The following PRAMEF4 variants were observed in gnomAD, a reference collection of about 807,000 sequenced individuals.
PRAMEF4 encodes the protein RP5-845O24.6.
In PRAMEF4, 18 loss-of-function variants were observed where a neutral mutation model predicts 34.4. The ratio of observed to expected loss-of-function variants is 0.52; its 90% CI spans 0.36 to 0.78. The LOEUF (loss-of-function observed/expected upper bound fraction) is 0.78. Ranked by LOEUF, PRAMEF4 falls within the 30% of genes least tolerant of loss-of-function variation. The probability of loss-of-function intolerance (pLI) is 0.00; values close to 1 mark genes in which losing one functional copy is unlikely to be tolerated. For synonymous variants in PRAMEF4, 156 were observed against 219.3 expected, an observed-to-expected ratio of 0.71 and a Z score of 2.55; for missense variants, 482 against 569.1, an observed-to-expected ratio of 0.85 and a Z score of 1.56.
intron 3 of PRAMEF4, among the ~76,000 whole-genome samples, chr1:12,881,191 C>A (rs1446003259): frequency 6.8e-6 from 1 of 147,564 alleles, no homozygotes; most frequent in African/African-American, 2.6e-5. Context: ...CATGGTGAAA[C>A]CCTGTCTCTA....
intron 1 of PRAMEF4, among the ~76,000 whole-genome samples, chr1:12,884,578 A>T (rs1029245288): frequency 1.4e-5 from 2 of 147,296 alleles, no homozygotes; most frequent in South Asian, 2.2e-4. Context: ...AGCCAGGTGC[A>T]GTGGTCTGCG....
intron 1 of PRAMEF4, 137 bp from the exon 2 acceptor site, chr1:12,883,547 C>T: frequency 2.5e-6 from 3 of 1,214,680 alleles, no homozygotes; most frequent in South Asian, 1.5e-5. Flanking sequence ...ACTCTGTACT[C>T]AGTGGCCATT....
Position 12,881,934 on chromosome 1 carries a change from C to A in PRAMEF4, c.795G>T (p.Gln265His), listed in dbSNP as rs755620261. ...KKEIVTQFTT[Q>H]FLKLRCLQKL... ...TTTGGAGGCAGCGCAGCTTGAGGAA[C>A]TGAGTGGTGAACTGGGTAACAATCT... Residue 265 changes from glutamine (Q) to histidine (H), a missense_variant, in exon 3 of 4, where the codon CAG becomes CAT. Gln to His is a conservative substitution (Grantham distance 24). Around this residue, in one of 6 missense-constraint regions of PRAMEF4, gnomAD observed 81 missense variants for 73.1 expected, o/e 1.11. Coordinates refer to ENST00000235349, the MANE Select transcript of PRAMEF4 (RefSeq NM_001009611.4). 11 of 1,592,906 alleles carry A rather than the reference C, an allele frequency of 6.9e-6. 1 individual carries two copies. The Admixed American group carries it at 1.5e-4, about 22-fold the overall frequency.
intron 1 of PRAMEF4, among the ~76,000 whole-genome samples, chr1:12,884,120 TCCTCAG>T (rs1032246750): frequency 2.1e-5 from 3 of 145,250 alleles, no homozygotes; most frequent in African/African-American, 7.8e-5. Flanking sequence ...GGATTCTTCC[TCCTCAG>T]CCTCCCAAGT....
chr1:12,883,117 A>G lies in PRAMEF4; in HGVS notation c.278T>C (p.Leu93Pro), dbSNP rs557337408. ...VLDGLDALLN[L>P]GVRPRRWKLQ... is the part of the protein sequence containing the mutation. ...GCCACCTCACCTGGGACGAACCCCTAGGTTAAGCAGTGCATCCAGCCCATC... is the reference window on the plus strand; with the variant it reads ...GCCACCTCACCTGGGACGAACCCCTGGGTTAAGCAGTGCATCCAGCCCATC... Residue 93 changes from leucine to proline, a missense_variant, in exon 2 of 4, where the codon CTA becomes CCA. Physicochemically the swap from Leu to Pro is moderately conservative, Grantham distance 98. Coordinates refer to ENST00000235349, the MANE Select transcript of PRAMEF4 (RefSeq NM_001009611.4). 1 of 1,601,128 alleles carries G rather than the reference A, an allele frequency of 6.2e-7. No homozygotes were observed. Among genetic ancestry groups the G allele is most frequent in the East Asian group, 2.3e-5 (1 of 44,292 alleles).
intron 1 of PRAMEF4, among the ~76,000 whole-genome samples, chr1:12,884,586 G>T (rs1463603946): frequency 6.8e-6 from 1 of 146,904 alleles, no homozygotes; most frequent in Non-Finnish European, 1.5e-5. Context: ...GCAGTGGTCT[G>T]CGCCTGTAGT....
intron 1 of PRAMEF4, among the ~76,000 whole-genome samples, chr1:12,883,934 C>T (rs1300024953): frequency 1.4e-5 from 2 of 138,152 alleles, no homozygotes; most frequent in African/African-American, 2.7e-5. Flanking sequence ...TCTTTCTTTC[C>T]CCCTCTCTCT....
intron 2 of PRAMEF4, 121 bp downstream of exon 2, chr1:12,882,981 C>T: frequency 7.0e-7 from 1 of 1,437,392 alleles, no homozygotes; most frequent in Non-Finnish European, 9.4e-7. Context: ...GGTGAATGGC[C>T]AAGTCCTCTC....
intron 3 of PRAMEF4, among the ~76,000 whole-genome samples, chr1:12,880,696 A>C (rs1640871741): frequency 6.7e-6 from 1 of 148,638 alleles, no homozygotes; most frequent in Admixed American, 6.9e-5. Flanking sequence ...TCAGGCAGAA[A>C]ACCACATCCC....
intron 2 of PRAMEF4, among the ~76,000 whole-genome samples, 159 bp from the exon 3 acceptor site, chr1:12,882,594 T>C (rs1640913263): frequency 6.8e-6 from 1 of 147,414 alleles, no homozygotes; most frequent in South Asian, 2.2e-4. Flanking sequence ...TTCCACATTG[T>C]TTTGTTTTTT....
Position 12,879,385 on chromosome 1 carries a change from G to C in PRAMEF4, c.*159C>G. ...GAATCCATGGCAACATTTCCCCCAA[G>C]TCCGGCCCCTGCTTGATCAGCTTTC... On this transcript the variant is annotated 3_prime_UTR_variant, in exon 4 of 4. Transcript: ENST00000235349. 2 of 697,220 alleles carry C rather than the reference G, an allele frequency of 2.9e-6. No individual in the cohort carries two copies. Among genetic ancestry groups the C allele is most frequent in the South Asian group, 1.9e-5 (1 of 51,492 alleles). The allele number at this position is 697,220 out of a possible 1,614,324, so 43.2% of individuals were successfully genotyped here. A position where few individuals can be genotyped will look rare whatever the true frequency, so the allele number is the denominator to read the frequency against.
At chr1:12,885,852 C>G (rs1398612177) in intron 1 of PRAMEF4, among the ~76,000 whole-genome samples, 10 of 138,434 alleles carry the variant, frequency 7.2e-5, no homozygotes, top group Non-Finnish European at 9.3e-5. Context: ...GTCTCAAATC[C>G]CTGGGCTGAA....
chr1:12,882,677 G>T lies in PRAMEF4; in HGVS notation c.294-242C>A, dbSNP rs186564297. On this transcript the variant is annotated intron_variant, in intron 2 of 3. Transcript: ENST00000235349. ...GTGATGTCACCTCACTGCAACCTCT[G>T]CTTCCCAGATTCAAATGATTCTCCT... Among the ~76,000 whole-genome samples, 186 of 147,510 alleles carry T rather than the reference G, an allele frequency of 1.3e-3. 8 individuals carry two copies. Among genetic ancestry groups the T allele is most frequent in the Middle Eastern group, 0.01 (3 of 290 alleles).
rs1389937773 is a variant in PRAMEF4 at position 12,879,819 on chromosome 1, A to G, written c.1162T>C (p.Cys388Arg). The change falls in exon 4 of 4, where the codon TGT (cysteine) becomes CGT (arginine). Residue 388 changes from cysteine (C) to arginine (R), a missense_variant. Coordinates refer to ENST00000235349, the MANE Select transcript of PRAMEF4 (RefSeq NM_001009611.4). ...GTGGCCATGCAGATGGGATTTCCAC[A>G]GAAGCTGAAGGTGTTGAGCTCAAAG... ...RCFELNTFSF[C>R]GNPICMATLE... 6.9e-6 allele frequency: 11 copies of G among 1,599,780 alleles called. 2 individuals carry two copies. The South Asian group carries it at 1.2e-4, about 18-fold the overall frequency.
chr1:12,881,362 A>G (rs1466544947), intron 3 of PRAMEF4, among the ~76,000 whole-genome samples: 6 of 148,438 alleles, frequency 4.0e-5, no homozygotes, highest in Non-Finnish European at 5.9e-5. Context: ...GAGAAACTCC[A>G]TCTCAGAAAA....
chr1:12,885,311 A>G lies in PRAMEF4; in HGVS notation c.-17+836T>C, dbSNP rs1244086979. ...ACAGCCATGCCTCCATTTGGGTGGAAGAGGATGTGATTGGTTTAAAATTAA... is the reference window on the plus strand; with the variant it reads ...ACAGCCATGCCTCCATTTGGGTGGAGGAGGATGTGATTGGTTTAAAATTAA... On this transcript the variant is annotated intron_variant, in intron 1 of 3. Coordinates refer to ENST00000235349, the MANE Select transcript of PRAMEF4 (RefSeq NM_001009611.4). 2.0e-5 allele frequency among the ~76,000 whole-genome samples: 3 copies of G among 149,886 alleles called. 1 individual carries two copies. The highest frequency in any genetic ancestry group is 4.9e-5 in the African/African-American group (2 of 40,422).
intron 3 of PRAMEF4, among the ~76,000 whole-genome samples, chr1:12,881,363 T>A (rs1640884173): frequency 6.7e-6 from 1 of 148,224 alleles, no homozygotes; most frequent in African/African-American, 2.5e-5. Context: ...AGAAACTCCA[T>A]CTCAGAAAAA....
rs552739007 is a variant in PRAMEF4, at chr1:12,882,836, T to G, written c.293+266A>C. ...AACTCTTGACCTCAGCCTCCCAATGTGCTGGGAATACATTGTGAGCCACCG... is the reference window on the plus strand; with the variant it reads ...AACTCTTGACCTCAGCCTCCCAATGGGCTGGGAATACATTGTGAGCCACCG... On this transcript the variant is annotated intron_variant, in intron 2 of 3. Transcript: ENST00000235349. Among the ~76,000 whole-genome samples the G allele has an allele frequency of 5.2e-3, 767 of 147,634 alleles. 30 individuals are homozygous for G. Among genetic ancestry groups the G allele is most frequent in the African/African-American group, 0.019 (726 of 39,074 alleles).
rs200203261 is a variant in PRAMEF4 at position 12,882,503 on chromosome 1, G to T, written c.294-68C>A. ...TTCTGAACTTAAACTCCACATCCTGGATAGCAGCTCCTCCCCTCCCTGCTT... is the reference window on the plus strand; with the variant it reads ...TTCTGAACTTAAACTCCACATCCTGTATAGCAGCTCCTCCCCTCCCTGCTT... On this transcript the variant is annotated intron_variant, in intron 2 of 3. Transcript: ENST00000235349. The T allele has an allele frequency of 1.9e-5, 28 of 1,455,936 alleles. 2 individuals are homozygous for T. In the Admixed American group the frequency reaches 5.2e-4, roughly 27 times the overall value. The allele number at this position is 1,455,936 out of a possible 1,614,324, so 90.2% of individuals were successfully genotyped here. A position where few individuals can be genotyped will look rare whatever the true frequency, so the allele number is the denominator to read the frequency against.
Sources: gnomAD v4.1 joint callset for allele counts (sites outside exome capture counted in the v4.1 genomes callset) on GRCh38, gnomAD v4.1.1 for gene constraint, gnomAD v4.1.1 regional missense constraint, MANE v1.5 for transcripts, NCBI Gene and HGNC (gene_info 2026-07-23, HGNC 2026-07-21) for gene names.